Variants in DAB2IP observed in about 807,000 individuals in gnomAD.
DAB2IP encodes disabled homolog 2-interacting protein.
DAB2IP carries 28 observed loss-of-function variants against 107.2 expected under a neutral mutation model. The ratio of observed to expected loss-of-function variants is 0.26; its 90% CI spans 0.19 to 0.36. The LOEUF (loss-of-function observed/expected upper bound fraction) is 0.36. DAB2IP is among the 10% of genes least tolerant of loss of function. The pLI is 1.00. For synonymous variants in DAB2IP, 755 were observed against 706.4 expected, an observed-to-expected ratio of 1.07 and a Z score of -1.09; for missense variants, 1,400 against 1,644.7, an observed-to-expected ratio of 0.85 and a Z score of 2.57.
At chr9:121,764,347 G>T (rs1834114621) in intron 8 of DAB2IP, among the ~76,000 whole-genome samples, 1 of 152,222 alleles carries the variant, frequency 6.6e-6, no homozygotes, top group South Asian at 2.1e-4. Context: ...AAACAGAAAG[G>T]ACTAGACTTT....
intron 1 of DAB2IP, among the ~76,000 whole-genome samples, chr9:121,666,916 A>ACACACAC (rs1554721728): frequency 2.7e-5 from 3 of 110,318 alleles, no homozygotes; most frequent in African/African-American, 6.7e-5. Context: ...ACACACACAC[A>ACACACAC]ACACTCTTAA....
chr9:121,722,395 C>T (rs553298207), intron 3 of DAB2IP, among the ~76,000 whole-genome samples: 8 of 152,260 alleles, frequency 5.3e-5, no homozygotes, highest in East Asian at 3.9e-4. Flanking sequence ...TCTTCCTGTT[C>T]GGGGCCTGCA....
intron 1 of DAB2IP, among the ~76,000 whole-genome samples, chr9:121,578,581 G>A (rs1030564286): frequency 6.6e-6 from 1 of 151,870 alleles, no homozygotes; most frequent in Non-Finnish European, 1.5e-5. Flanking sequence ...CTTGGTCCCT[G>A]GGCTCTGCAC....
intron 3 of DAB2IP, among the ~76,000 whole-genome samples, chr9:121,730,926 G>T (rs1444196692): frequency 6.6e-6 from 1 of 152,228 alleles, no homozygotes; most frequent in Non-Finnish European, 1.5e-5. Flanking sequence ...CCATGTGCCA[G>T]GCACAGAAGT....
In DAB2IP at chr9:121,701,385, G is replaced by T. The variant is rs901338866; in HGVS notation, c.362+1927G>T. 6.6e-6 allele frequency among the ~76,000 whole-genome samples: 1 copy of T among 152,234 alleles called. No individual in the cohort carries two copies. The highest frequency in any genetic ancestry group is 2.1e-4 in the South Asian group (1 of 4,834). The stretch of plus-strand genomic sequence containing the variant: ...GCCACATGCTGAAGGGGCGCAGAGT[G>T]GGGGTTGGGAGTGAAACTACAAGCC... On this transcript the variant is annotated intron_variant, in intron 3 of 15. Coordinates refer to ENST00000408936, the Ensembl canonical transcript of DAB2IP. The surrounding 1 kb of genome is among the most constrained non-coding windows in gnomAD (Gnocchi z 4.7).
exon 16 of DAB2IP, chr9:121,784,247 T>G (rs1472551563): frequency 6.5e-6 from 1 of 154,192 alleles, no homozygotes; most frequent in African/African-American, 2.4e-5. Flanking sequence ...CCTGTCTCAC[T>G]CTTCTGTCTT....
At chr9:121,577,856 G>A (rs565212266) in intron 1 of DAB2IP, among the ~76,000 whole-genome samples, 28 of 152,288 alleles carry the variant, frequency 1.8e-4, no homozygotes, top group African/African-American at 6.7e-4. Flanking sequence ...GCTCAGCAGA[G>A]GGAGCAGGCA....
chr9:121,689,757 C>A (rs546169661), intron 2 of DAB2IP, among the ~76,000 whole-genome samples: 1 of 151,896 alleles, frequency 6.6e-6, no homozygotes, highest in South Asian at 2.1e-4. Flanking sequence ...CCGGGAGACT[C>A]CCCCCCCATG....
chr9:121,679,430 AC>A (rs1828462349), intron 2 of DAB2IP, among the ~76,000 whole-genome samples: 1 of 151,632 alleles, frequency 6.6e-6, no homozygotes, highest in South Asian at 2.1e-4. Flanking sequence ...ACACACACAC[AC>A]ACACACACAC....
chr9:121,627,745 A>G (rs958762756), intron 1 of DAB2IP, among the ~76,000 whole-genome samples: 1 of 152,328 alleles, frequency 6.6e-6, no homozygotes, highest in African/African-American at 2.4e-5. Flanking sequence ...TTGCACTTTC[A>G]TGCACATGTA....
Position 121,617,627 on chromosome 9 carries a change from G to A in DAB2IP, c.40+50399G>A, listed in dbSNP as rs78562646. ...CTTTGTCATAGTGACCACCCTCCCC[G>A]CTGAGGTCTGGACACTGCAGCTCCA... On this transcript the variant is annotated intron_variant, in intron 1 of 16. Coordinates refer to the DAB2IP transcript ENST00000259371. Among the ~76,000 whole-genome samples, 268 of 152,336 alleles carry A rather than the reference G, an allele frequency of 1.8e-3. 2 individuals carry two copies. Among genetic ancestry groups the A allele is most frequent in the African/African-American group, 6.1e-3 (255 of 41,574 alleles).
At chr9:121,774,537 TGAG>T in intron 13 of DAB2IP, 125 bp downstream of exon 13, 1 of 1,114,512 alleles carries the variant, frequency 9.0e-7, no homozygotes, top group Non-Finnish European at 1.2e-6. Context: ...CCGTCACCTC[TGAG>T]CCCCTGTTCC....
At chr9:121,766,371 C>T (rs549160821) in intron 8 of DAB2IP, 123 bp from the exon 9 acceptor site, 10 of 853,094 alleles carry the variant, frequency 1.2e-5, no homozygotes, top group African/African-American at 8.3e-5. Flanking sequence ...GCTCAGACAG[C>T]GGGGCTGACC....
chr9:121,610,505 G>A (rs2118974177), intron 1 of DAB2IP, among the ~76,000 whole-genome samples: 1 of 152,292 alleles, frequency 6.6e-6, no homozygotes, highest in Non-Finnish European at 1.5e-5. Flanking sequence ...GGCAGAGCCA[G>A]GGTTGGAATG....
At chr9:121,694,652 A>AC (rs930523673) in intron 2 of DAB2IP, among the ~76,000 whole-genome samples, 1 of 150,982 alleles carries the variant, frequency 6.6e-6, no homozygotes. Context: ...CCAGCCAAAG[A>AC]CCCCCCAGGC....
intron 1 of DAB2IP, among the ~76,000 whole-genome samples, chr9:121,569,809 C>T (rs904021087): frequency 1.3e-5 from 2 of 152,292 alleles, no homozygotes; most frequent in Admixed American, 6.5e-5. Context: ...CGACAGAGAG[C>T]GAGATGCCAT....
chr9:121,681,673 G>A (rs561707166), intron 2 of DAB2IP, among the ~76,000 whole-genome samples: 24 of 152,292 alleles, frequency 1.6e-4, no homozygotes, highest in Admixed American at 5.2e-4. Flanking sequence ...CAGGACTGCC[G>A]GACATCTACG....
At chr9:121,758,778 T>A in intron 4 of DAB2IP, 120 bp from the exon 5 acceptor site, 1 of 825,440 alleles carries the variant, frequency 1.2e-6, no homozygotes, top group Non-Finnish European at 2.0e-6. Flanking sequence ...GGCTCCTTCC[T>A]GAAGCTGTGA....
upstream of DAB2IP, among the ~76,000 whole-genome samples, chr9:121,649,264 C>T (rs74811336): frequency 5.1e-3 from 521 of 103,006 alleles, 21 homozygotes; most frequent in African/African-American, 0.013. Context: ...GGGGTCCATA[C>T]GTTCTCCCTA....
Sources: gnomAD v4.1 joint callset for allele counts (sites outside exome capture counted in the v4.1 genomes callset) on GRCh38, gnomAD v4.1.1 for gene constraint, Gnocchi (gnomAD v3.1) non-coding constraint, MANE v1.5 for transcripts, NCBI Gene and HGNC (gene_info 2026-07-23, HGNC 2026-07-21) for gene names.